Variants in GNAI1 observed in about 807,000 individuals in gnomAD.
GNAI1 encodes guanine nucleotide-binding protein G(i) subunit alpha-1.
In GNAI1, 11 loss-of-function variants were observed where a neutral mutation model predicts 38.9. The ratio of observed to expected loss-of-function variants is 0.28; its 90% CI spans 0.18 to 0.47. The LOEUF (loss-of-function observed/expected upper bound fraction) is 0.47, where lower values mean the gene tolerates loss of function less well. Ranked by LOEUF, GNAI1 falls within the 20% of genes least tolerant of loss-of-function variation. GNAI1 has a pLI of 0.99. For missense variants in GNAI1, 317 were observed against 436.9 expected (o/e 0.73, Z 2.45); for synonymous variants, 166 against 145.1 (o/e 1.14, Z -1.04).
chr7:80,187,461 AAGG>A (rs1285582850), intron 1 of GNAI1: 1 of 152,252 alleles, frequency 6.6e-6, no homozygotes. Flanking sequence ...GAGGTTGACA[AAGG>A]AGGTAAGTTC....
intron 5 of GNAI1, among the ~76,000 whole-genome samples, chr7:80,207,612 T>G (rs1024268518): frequency 3.8e-4 from 58 of 152,148 alleles, no homozygotes; most frequent in Admixed American, 9.2e-4. Context: ...CTTTGCTTTT[T>G]ATAGGTTACA....
Position 80,222,901 on chromosome 7 carries a change from C to T in GNAI1, c.*5408C>T, listed in dbSNP as rs1433131376. 2.0e-5 allele frequency among the ~76,000 whole-genome samples: 3 copies of T among 152,074 alleles called. No individual in the cohort carries two copies. On this transcript the variant is annotated 3_prime_UTR_variant, in exon 8 of 8. Transcript: ENST00000649796. ...TATTTTGAAAATGCATTTAATACAC[C>T]TAACCTACCAAATGTAGCTTAGCCT...
In GNAI1 at chr7:80,226,079, T is replaced by C. The variant is rs934947518; in HGVS notation, c.*8586T>C. On this transcript the variant is annotated 3_prime_UTR_variant, in exon 8 of 8. Transcript: ENST00000649796. ...CCTGAATGATTAAACCTGATTTAAG[T>C]CCCTCTAACAATTATGAAGAAAAAA... 5.9e-5 allele frequency among the ~76,000 whole-genome samples: 9 copies of C among 152,116 alleles called. No homozygotes were observed. Among genetic ancestry groups the C allele is most frequent in the Non-Finnish European group, 5.9e-5 (4 of 68,024 alleles).
intron 1 of GNAI1, among the ~76,000 whole-genome samples, chr7:80,152,582 A>G (rs1787747356): frequency 1.2e-5 from 1 of 81,778 alleles, no homozygotes; most frequent in Non-Finnish European, 2.4e-5. Flanking sequence ...TTTTTTTTTG[A>G]AACGTAGTCT....
intron 4 of GNAI1, among the ~76,000 whole-genome samples, chr7:80,202,338 T>C (rs1788702982): frequency 6.6e-6 from 1 of 152,114 alleles, no homozygotes; most frequent in Non-Finnish European, 1.5e-5. Context: ...TCCGCCCACC[T>C]CGGCCTCACA....
chr7:80,197,127 G>A (rs1788591551), intron 3 of GNAI1, among the ~76,000 whole-genome samples: 1 of 147,448 alleles, frequency 6.8e-6, no homozygotes, highest in African/African-American at 2.5e-5. Flanking sequence ...CATAACTACT[G>A]GTTTGTTCTC....
At chr7:80,161,791 G>C (rs2714451) in intron 1 of GNAI1, among the ~76,000 whole-genome samples, 151,470 of 152,232 alleles carry the variant, frequency 0.99, 75,355 homozygotes, top group Middle Eastern at 1. Flanking sequence ...GGTTTATACT[G>C]CTCTTCAAAA....
At chr7:80,150,560 A>G (rs1787705715) in intron 1 of GNAI1, among the ~76,000 whole-genome samples, 1 of 152,200 alleles carries the variant, frequency 6.6e-6, no homozygotes, top group South Asian at 2.1e-4. Context: ...GAGGATAAAC[A>G]TCAAATTCAG....
At chr7:80,195,220 T>A (rs1330356599) in intron 3 of GNAI1, among the ~76,000 whole-genome samples, 4 of 151,884 alleles carry the variant, frequency 2.6e-5, no homozygotes, top group Admixed American at 2.6e-4. Flanking sequence ...TTATATAATA[T>A]GTTTATTGAT....
chr7:80,136,038 C>A, intron 1 of GNAI1: 1 of 985,422 alleles, frequency 1.0e-6, no homozygotes, highest in Non-Finnish European at 1.2e-6. Context: ...GTTCTGTCTC[C>A]GCTGCCACCG....
At chr7:80,138,426 T>G (rs1316384496) in intron 1 of GNAI1, among the ~76,000 whole-genome samples, 1 of 152,160 alleles carries the variant, frequency 6.6e-6, no homozygotes, top group Non-Finnish European at 1.5e-5. Context: ...GTCTTTTAGG[T>G]TTAGTTTTTA....
intron 1 of GNAI1, among the ~76,000 whole-genome samples, chr7:80,148,994 A>G (rs1183666743): frequency 6.6e-6 from 1 of 152,080 alleles, no homozygotes; most frequent in African/African-American, 2.4e-5. Flanking sequence ...AAAAAAATAT[A>G]GGAATTGCTT....
chr7:80,144,848 T>C (rs1420603683), intron 1 of GNAI1, among the ~76,000 whole-genome samples: 1 of 152,240 alleles, frequency 6.6e-6, no homozygotes, highest in Non-Finnish European at 1.5e-5. Flanking sequence ...GATCCATGTA[T>C]ACTAGCTCAC....
intron 1 of GNAI1, among the ~76,000 whole-genome samples, chr7:80,175,581 A>T (rs1458775324): frequency 2.0e-5 from 3 of 149,464 alleles, no homozygotes; most frequent in African/African-American, 7.4e-5. Flanking sequence ...AACAAATTGA[A>T]GGTTTGTGGC....
At chr7:80,159,318 CTT>C (rs1787877144) in intron 1 of GNAI1, among the ~76,000 whole-genome samples, 1 of 152,114 alleles carries the variant, frequency 6.6e-6, no homozygotes, top group Non-Finnish European at 1.5e-5. Context: ...TAGGCTTGTA[CTT>C]TGTTTTTAAT....
chr7:80,201,555 C>T (rs1241467449), intron 4 of GNAI1, among the ~76,000 whole-genome samples: 1 of 151,886 alleles, frequency 6.6e-6, no homozygotes, highest in East Asian at 1.9e-4. Context: ...CTTGTCTCTA[C>T]AAAAAGTAAA....
At chr7:80,175,013 C>T (rs1005390682) in intron 1 of GNAI1, among the ~76,000 whole-genome samples, 6 of 152,250 alleles carry the variant, frequency 3.9e-5, no homozygotes, top group Middle Eastern at 3.4e-3. Context: ...CTCCTGTATA[C>T]CAAAGCATGA....
rs1789111779 is a variant in GNAI1, at chr7:80,223,344, A to AT, written c.*5857dup. ...AAATTAGACATACAATTTTGCAGTT[A>AT]TTTTTTACTAAGTTGACAAATGTTT... On this transcript the variant is annotated 3_prime_UTR_variant, in exon 8 of 8. Transcript: ENST00000649796. Among the ~76,000 whole-genome samples, 1 of 152,142 alleles carries AT rather than the reference A, an allele frequency of 6.6e-6. No individual in the cohort carries two copies. The highest frequency in any genetic ancestry group is 2.4e-5 in the African/African-American group (1 of 41,450).
At position 80,188,988 on chromosome 7, in the gene GNAI1, G is replaced by A; in HGVS notation, c.156G>A (p.Gln52=). 1 of 1,608,076 alleles carries A rather than the reference G, an allele frequency of 6.2e-7. No individual in the cohort carries two copies. The change falls in exon 2 of 8, where the codon CAG becomes CAA. Residue 52 remains glutamine (Q), a synonymous_variant. Coordinates refer to ENST00000649796, the MANE Select transcript of GNAI1 (RefSeq NM_002069.6). ...GESGKSTIVK[Q]MKIIHEAGYS... ...CTGGTAAAAGTACAATTGTGAAGCA[G>A]ATGAAGTAAGTAGATTTAAACACCA...
Sources: gnomAD v4.1 joint callset for allele counts (sites outside exome capture counted in the v4.1 genomes callset) on GRCh38, gnomAD v4.1.1 for gene constraint, MANE v1.5 for transcripts, NCBI Gene and HGNC (gene_info 2026-07-23, HGNC 2026-07-21) for gene names.